MARK4: variants seen among roughly 807,000 people sequenced by gnomAD.
The protein encoded by MARK4 is microtubule affinity regulating kinase 4, also known as MAP/microtubule affinity-regulating kinase 4.
A neutral mutation model predicts 81.5 loss-of-function variants in MARK4; 19 were observed. That is an observed-to-expected ratio of 0.23 (90% CI 0.16 to 0.34). MARK4 has a LOEUF of 0.34. MARK4 is among the 10% of genes least tolerant of loss of function. The pLI, the probability that MARK4 is intolerant of heterozygous loss-of-function variation, is 1.00. For missense variants in MARK4, 772 were observed against 1,058.8 expected (o/e 0.73, Z 3.76); for synonymous variants, 436 against 439.0 (o/e 0.99, Z 0.08).
intron 8 of MARK4, among the ~76,000 whole-genome samples, chr19:45,276,336 T>C (rs947321910): frequency 1.3e-5 from 2 of 152,188 alleles, no homozygotes; most frequent in African/African-American, 2.4e-5. Flanking sequence ...CTATTGCGGT[T>C]TTTTATTCAG....
chr19:45,266,132 C>A, intron 6 of MARK4, 93 bp from the exon 7 acceptor site: 1 of 1,304,096 alleles, frequency 7.7e-7, no homozygotes, highest in South Asian at 1.2e-5. Context: ...CTTGGGGAGG[C>A]CTGGGGCCCA....
intron 1 of MARK4, among the ~76,000 whole-genome samples, chr19:45,256,331 G>A (rs1473706706): frequency 6.6e-6 from 1 of 152,192 alleles, no homozygotes; most frequent in Non-Finnish European, 1.5e-5. Flanking sequence ...CAGCTACTCG[G>A]GAAAGCTGAG....
chr19:45,281,367 C>CTTTTTTTTTTT (rs71173137), intron 12 of MARK4, among the ~76,000 whole-genome samples: 1 of 132,056 alleles, frequency 7.6e-6, no homozygotes, highest in Admixed American at 7.8e-5. Flanking sequence ...TCTTTTCTTT[C>CTTTTTTTTTTT]TTTTTTTTTT....
intron 2 of MARK4, 118 bp from the exon 3 acceptor site, chr19:45,262,995 C>A (rs1970399125): frequency 8.4e-7 from 1 of 1,195,920 alleles, no homozygotes; most frequent in Non-Finnish European, 1.2e-6. Context: ...GAACTCCTGG[C>A]CTCAAGTGAT....
intron 2 of MARK4, 151 bp downstream of exon 2, chr19:45,259,340 A>T: frequency 3.6e-6 from 3 of 827,056 alleles, no homozygotes; most frequent in Non-Finnish European, 5.5e-6. Context: ...AATATCTCTG[A>T]TGTTCCCAGA....
chr19:45,256,595 A>C (rs1970310422), intron 1 of MARK4, among the ~76,000 whole-genome samples: 1 of 152,168 alleles, frequency 6.6e-6, no homozygotes, highest in Non-Finnish European at 1.5e-5. Context: ...GTTGATGGGT[A>C]AAATAGCAAG....
intron 8 of MARK4, among the ~76,000 whole-genome samples, chr19:45,277,368 G>T (rs541518723): frequency 2.0e-5 from 3 of 151,828 alleles, no homozygotes; most frequent in Non-Finnish European, 4.4e-5. Flanking sequence ...GTGAGCCACC[G>T]TGCCTGGCCA....
chr19:45,253,397 G>T (rs373947231), intron 1 of MARK4, among the ~76,000 whole-genome samples: 1 of 152,280 alleles, frequency 6.6e-6, no homozygotes, highest in East Asian at 1.9e-4. Flanking sequence ...TGCTGACATG[G>T]CCAGCTGGTT....
chr19:45,271,767 C>T lies in MARK4; in HGVS notation c.786+59C>T. On this transcript the variant is annotated intron_variant, in intron 8 of 16. Coordinates refer to ENST00000262891, the MANE Select transcript of MARK4 (RefSeq NM_001199867.2). The surrounding 1 kb of genome is among the most constrained non-coding windows in gnomAD (Gnocchi z 4.1). ...CCCTCCCCACAGTCAGGCCCCTATC[C>T]CCCCCACACCTCCCCTGCAGAGGGC... 3 of 1,470,180 alleles carry T rather than the reference C, an allele frequency of 2.0e-6. No individual in the cohort carries two copies. The highest frequency in any genetic ancestry group is 2.8e-6 in the Non-Finnish European group (3 of 1,070,936). The allele number at this position is 1,470,180 out of a possible 1,614,324, so 91.1% of individuals were successfully genotyped here. A position where few individuals can be genotyped will look rare whatever the true frequency, so the allele number is the denominator to read the frequency against.
At chr19:45,262,281 CACACCACTGTA>C (rs1568491172) in intron 2 of MARK4, among the ~76,000 whole-genome samples, 1 of 145,480 alleles carries the variant, frequency 6.9e-6, no homozygotes, top group African/African-American at 2.6e-5. Flanking sequence ...GAGCTATGAT[CACACCACTGTA>C]ACACCACTGT....
intron 10 of MARK4, 72 bp from the exon 11 acceptor site, chr19:45,280,301 CA>C (rs112096798): frequency 5.6e-4 from 742 of 1,336,368 alleles, no homozygotes; most frequent in South Asian, 6.9e-4. Flanking sequence ...CACCCTGTCT[CA>C]AAAAAAAAGA....
At chr19:45,283,692 T>C (rs1381402323) in intron 12 of MARK4, among the ~76,000 whole-genome samples, 1 of 152,204 alleles carries the variant, frequency 6.6e-6, no homozygotes, top group Non-Finnish European at 1.5e-5. Context: ...ACACGTGGAT[T>C]GCCTCCACTT....
chr19:45,292,575 A>AC (rs1970833609), intron 13 of MARK4, among the ~76,000 whole-genome samples: 1 of 152,056 alleles, frequency 6.6e-6, no homozygotes. Context: ...AAGCAAATAA[A>AC]CCTCAAAGAA....
intron 4 of MARK4, among the ~76,000 whole-genome samples, chr19:45,263,681 G>A (rs1228565263): frequency 1.3e-5 from 2 of 151,396 alleles, no homozygotes; most frequent in African/African-American, 4.9e-5. Flanking sequence ...GCCAGAGGTT[G>A]CAGTGAGCTG....
chr19:45,287,664 C>G lies in MARK4; in HGVS notation c.1494C>G (p.Pro498=). The G allele has an allele frequency of 6.2e-7, 1 of 1,603,398 alleles. No individual in the cohort carries two copies. ...GGCGGAAGGACAGCACGAGCACCCC[C>G]GTGAGTGACCAGGGCTGGGGGGCAG... ...PERRKDSTST[P]NNLPPSMMTR... Residue 498 remains proline, a splice_region_variant and synonymous_variant, in exon 13 of 17, where the codon CCC becomes CCG. Coordinates refer to ENST00000262891, the MANE Select transcript of MARK4 (RefSeq NM_001199867.2).
Position 45,287,514 on chromosome 19 carries a change from G to A in MARK4, c.1344G>A (p.Lys448=), listed in dbSNP as rs1487976418. Residue 448 remains lysine, a synonymous_variant, in exon 13 of 17, where the codon AAG becomes AAA. Transcript: ENST00000262891. Reference sequence around the variant, plus strand: ...CGAGCACGGGGGAGGCGGAGCTGAAGGAGGAGCGGCTGCCAGGCCGGAAGG... The same window carrying A: ...CGAGCACGGGGGAGGCGGAGCTGAAAGAGGAGCGGCTGCCAGGCCGGAAGG... ...SPTSTGEAEL[K]EERLPGRKAS... is the part of the protein sequence containing the mutation. 5 of 1,554,488 alleles carry A rather than the reference G, an allele frequency of 3.2e-6. No homozygotes were observed. Among genetic ancestry groups the A allele is most frequent in the Non-Finnish European group, 4.4e-6 (5 of 1,147,648 alleles).
chr19:45,292,352 T>C (rs1970830779), intron 13 of MARK4, among the ~76,000 whole-genome samples: 1 of 152,204 alleles, frequency 6.6e-6, no homozygotes, highest in African/African-American at 2.4e-5. Context: ...ATTACATTAA[T>C]GAGCCGTGTG....
chr19:45,263,265 C>T, intron 3 of MARK4, 54 bp from the exon 4 acceptor site: 1 of 1,613,370 alleles, frequency 6.2e-7, no homozygotes, highest in East Asian at 2.2e-5. Flanking sequence ...GGGAAAGGAT[C>T]CCCCAAGCCA....
At chr19:45,264,549 T>C (rs1304037324) in intron 4 of MARK4, 135 bp from the exon 5 acceptor site, 2 of 808,438 alleles carry the variant, frequency 2.5e-6, no homozygotes, top group Non-Finnish European at 4.1e-6. Context: ...TTGGAAAATC[T>C]TGCTGTCAGT....
Sources: allele counts gnomAD v4.1 joint callset (sites outside exome capture counted in the v4.1 genomes callset), GRCh38; gene constraint gnomAD v4.1.1; non-coding constraint Gnocchi (gnomAD v3.1); transcripts MANE v1.5; gene names NCBI Gene and HGNC (gene_info 2026-07-23, HGNC 2026-07-21).